Variants in KCNJ15 observed in about 807,000 individuals in gnomAD.
KCNJ15 encodes ATP-sensitive inward rectifier potassium channel 15.
KCNJ15 carries 14 observed loss-of-function variants against 23.0 expected under a neutral mutation model. The observed-to-expected ratio is 0.61, with a 90% CI of 0.40 to 0.95. The LOEUF is 0.95. Among genes scored for constraint, KCNJ15 ranks in the 40% least tolerant of loss-of-function variants. The pLI is 0.00. For synonymous variants in KCNJ15, 185 were observed against 183.2 expected, an observed-to-expected ratio of 1.01 and a Z score of -0.08; for missense variants, 388 against 461.8, an observed-to-expected ratio of 0.84 and a Z score of 1.46.
intron 1 of KCNJ15, among the ~76,000 whole-genome samples, chr21:38,260,641 G>A (rs753430175): frequency 1.3e-5 from 2 of 152,176 alleles, no homozygotes; most frequent in African/African-American, 4.8e-5. Flanking sequence ...TCATGCTCAC[G>A]TCAGAAGATG....
chr21:38,284,739 G>A (rs1225639176), intron 1 of KCNJ15, among the ~76,000 whole-genome samples: 1 of 152,136 alleles, frequency 6.6e-6, no homozygotes, highest in Non-Finnish European at 1.5e-5. Flanking sequence ...GCATGGCTCT[G>A]CCCTTGCTCC....
chr21:38,235,749 T>A (rs1978559769), intron 1 of KCNJ15, among the ~76,000 whole-genome samples: 1 of 152,214 alleles, frequency 6.6e-6, no homozygotes, highest in Admixed American at 6.5e-5. Context: ...ATGTTTCAAA[T>A]TTTGTCTTTG....
chr21:38,278,929 C>A lies in KCNJ15; in HGVS notation c.-116-17997C>A, dbSNP rs148789519. 3.0e-4 allele frequency among the ~76,000 whole-genome samples: 45 copies of A among 152,248 alleles called. No individual in the cohort carries two copies. In the East Asian group the frequency reaches 8.1e-3, roughly 27 times the overall value. On this transcript the variant is annotated intron_variant, in intron 1 of 2. Transcript: ENST00000398938. ...GCGGCAGAGTGCTTTAGGGACACCA[C>A]TGAGGAGGGACTATGAAGGATGCTA...
intron 1 of KCNJ15, among the ~76,000 whole-genome samples, chr21:38,259,908 C>G (rs778650520): frequency 6.6e-6 from 1 of 152,108 alleles, no homozygotes; most frequent in South Asian, 2.1e-4. Flanking sequence ...CAGTGTGACC[C>G]GGTAGTAGCT....
chr21:38,256,402 GCAATAGAAAAAAATCAGCT>G (rs1980252065), upstream of KCNJ15, among the ~76,000 whole-genome samples: 1 of 117,328 alleles, frequency 8.5e-6, no homozygotes, highest in Non-Finnish European at 1.8e-5. Flanking sequence ...GGAAAGCAGG[GCAATAGAAAAAAATCAGCT>G]CAATAAAGGG....
intron 1 of KCNJ15, among the ~76,000 whole-genome samples, chr21:38,263,001 C>T (rs1677879307): frequency 6.6e-6 from 1 of 152,148 alleles, no homozygotes; most frequent in Non-Finnish European, 1.5e-5. Context: ...TAACGTCACT[C>T]CTTAAAACGA....
chr21:38,290,361 T>TC (rs1219733604), intron 1 of KCNJ15, among the ~76,000 whole-genome samples: 2 of 151,286 alleles, frequency 1.3e-5, no homozygotes, highest in Non-Finnish European at 3.0e-5. Flanking sequence ...AAAAGAATTT[T>TC]TTTTAGTACT....
intron 1 of KCNJ15, among the ~76,000 whole-genome samples, chr21:38,292,120 C>T (rs1984666944): frequency 6.6e-6 from 1 of 152,098 alleles, no homozygotes; most frequent in Non-Finnish European, 1.5e-5. Context: ...GGAGTGCAGC[C>T]GTGGGAGCAG....
chr21:38,236,009 C>T (rs1978577831), intron 1 of KCNJ15, among the ~76,000 whole-genome samples: 1 of 152,018 alleles, frequency 6.6e-6, no homozygotes. Flanking sequence ...ATTTCTGTTC[C>T]ACAATTGTAT....
At position 38,257,056 on chromosome 21, in the gene KCNJ15, G is replaced by T. The variant is rs947821266; in HGVS notation, c.-246G>T. 2 of 152,036 alleles carry T rather than the reference G, an allele frequency of 1.3e-5. No homozygotes were observed. Among genetic ancestry groups the T allele is most frequent in the Non-Finnish European group, 2.9e-5 (2 of 68,038 alleles). The allele number at this position is 152,036 out of a possible 1,614,324, so 9.4% of individuals were successfully genotyped here. A position where few individuals can be genotyped will look rare whatever the true frequency, so the allele number is the denominator to read the frequency against. On this transcript the variant is annotated 5_prime_UTR_variant, in exon 1 of 3. Coordinates refer to ENST00000398938, the MANE Select transcript of KCNJ15 (RefSeq NM_170736.3). Reference sequence around the variant, plus strand: ...GTTTTTGACTGACAGTGAACAGTGAGAGAGTTTTCTTCATTTTGAGGAACC... The same window carrying T: ...GTTTTTGACTGACAGTGAACAGTGATAGAGTTTTCTTCATTTTGAGGAACC...
At chr21:38,252,043 G>A (rs918307200), upstream of KCNJ15, among the ~76,000 whole-genome samples, 1 of 152,146 alleles carries the variant, frequency 6.6e-6, no homozygotes, top group East Asian at 1.9e-4. Flanking sequence ...CTTCTCCCAA[G>A]GGAAAGCTAA....
intron 1 of KCNJ15, among the ~76,000 whole-genome samples, chr21:38,257,543 A>G (rs1005401893): frequency 1.3e-5 from 2 of 152,250 alleles, no homozygotes; most frequent in African/African-American, 4.8e-5. Context: ...CAGCGATTAC[A>G]TAGTTCTTTG....
In KCNJ15 at chr21:38,307,280, T is replaced by TC. The variant is rs1188015909; in HGVS notation, c.*6891_*6892insC. ...TCCATATGTGTCTCCATCACCTTTT[T>TC]TTTCTCTCCGGATAAATGGAATTAC... On this transcript the variant is annotated 3_prime_UTR_variant, in exon 3 of 3. Coordinates refer to ENST00000398938, the MANE Select transcript of KCNJ15 (RefSeq NM_170736.3). 6.6e-6 allele frequency: 1 copy of TC among 152,046 alleles called. No individual in the cohort carries two copies. Among genetic ancestry groups the TC allele is most frequent in the Admixed American group, 6.5e-5 (1 of 15,270 alleles). 9.4% of individuals were successfully genotyped at this position (152,046 alleles called of 1,614,324 possible).
At chr21:38,268,550 GAAAAAAAAAAAA>G (rs576709021) in intron 1 of KCNJ15, among the ~76,000 whole-genome samples, 1,521 of 47,276 alleles carry the variant, frequency 0.032, 45 homozygotes, top group African/African-American at 0.07. Context: ...CTTAAAATCT[GAAAAAAAAAAAA>G]AAAAAAAAAA....
rs534831339 is a variant in KCNJ15, at chr21:38,301,399, A to G, written c.*1010A>G. ...GGCCAATATTTCTTTCAGCCATTTC[A>G]TTTCTTATCTATTAAAATGGCTTGC... On this transcript the variant is annotated 3_prime_UTR_variant, in exon 3 of 3. Transcript: ENST00000398938. The G allele has an allele frequency of 1.5e-4, 25 of 167,164 alleles. No homozygotes were observed. Among genetic ancestry groups the G allele is most frequent in the African/African-American group, 5.8e-4 (24 of 41,552 alleles). The allele number at this position is 167,164 out of a possible 1,614,324, so 10.4% of individuals were successfully genotyped here.
intron 1 of KCNJ15, among the ~76,000 whole-genome samples, chr21:38,268,727 T>C (rs1275087796): frequency 6.6e-6 from 1 of 152,118 alleles, no homozygotes; most frequent in African/African-American, 2.4e-5. Context: ...GAATTCCAGG[T>C]GTGCAGACTC....
chr21:38,294,986 A>G (rs532167212), intron 1 of KCNJ15, among the ~76,000 whole-genome samples: 1 of 152,328 alleles, frequency 6.6e-6, no homozygotes, highest in East Asian at 1.9e-4. Context: ...AACTGCAGAA[A>G]TAAACATTAT....
chr21:38,232,610 C>G (rs1978348653), intron 1 of KCNJ15, among the ~76,000 whole-genome samples: 1 of 151,810 alleles, frequency 6.6e-6, no homozygotes, highest in Non-Finnish European at 1.5e-5. Flanking sequence ...CTAAACATTG[C>G]TTTAACTGCA....
At chr21:38,233,104 T>G (rs1978376802) in intron 1 of KCNJ15, among the ~76,000 whole-genome samples, 1 of 152,070 alleles carries the variant, frequency 6.6e-6, no homozygotes, top group Non-Finnish European at 1.5e-5. Context: ...TTCCATAAGT[T>G]TTTGCTTTAT....
Sources: gnomAD v4.1 joint callset for allele counts (sites outside exome capture counted in the v4.1 genomes callset) on GRCh38, gnomAD v4.1.1 for gene constraint, MANE v1.5 for transcripts, NCBI Gene and HGNC (gene_info 2026-07-23, HGNC 2026-07-21) for gene names.